The following RHBDF1 variants were observed in gnomAD, a reference collection of about 807,000 sequenced individuals.
RHBDF1 encodes the protein rhomboid 5 homolog 1.
A neutral mutation model predicts 98.6 loss-of-function variants in RHBDF1; 80 were observed. The ratio of observed to expected loss-of-function variants is 0.81; its 90% CI spans 0.68 to 0.98. The LOEUF is 0.98. Among genes scored for constraint, RHBDF1 ranks in the 50% least tolerant of loss-of-function variants. The pLI is 0.00. For synonymous variants in RHBDF1, 512 were observed against 486.8 expected (o/e 1.05, Z -0.68); for missense variants, 1,116 against 1,198.3 (o/e 0.93, Z 1.01).
chr16:63,804 G>A lies in RHBDF1; in HGVS notation c.249-4C>T. Reference sequence around the variant, plus strand: ...TCCAAACCAGTCGGCGGTCCCCCTGGCATGGCAGGGACTCAGCAAGGGGCG... The same window carrying A: ...TCCAAACCAGTCGGCGGTCCCCCTGACATGGCAGGGACTCAGCAAGGGGCG... On this transcript the variant is annotated splice_region_variant and splice_polypyrimidine_tract_variant and intron_variant, in intron 3 of 17. Transcript: ENST00000262316. The A allele has an allele frequency of 6.2e-6, 10 of 1,611,982 alleles. No homozygotes were observed. The highest frequency in any genetic ancestry group is 8.5e-6 in the Non-Finnish European group (10 of 1,178,752).
chr16:62,837 T>C lies in RHBDF1; in HGVS notation c.733A>G (p.Ser245Gly). ...TCAGTTGTGTCCTCCTCCAGAAAGC[T>C]AGCTGGAGTGAAGCTTCGACGCTGT... Reference protein sequence around the residue: ...RAQRRSFTPASFLEEDTTDFP... With the variant: ...RAQRRSFTPAGFLEEDTTDFP... The change falls in exon 6 of 18, where the codon AGC (serine) becomes GGC (glycine). Residue 245 changes from serine (S) to glycine (G), a missense_variant. Ser to Gly is a moderately conservative substitution (Grantham distance 56, BLOSUM62 0). Coordinates refer to ENST00000262316, the MANE Select transcript of RHBDF1 (RefSeq NM_022450.5). 1 of 1,614,046 alleles carries C rather than the reference T, an allele frequency of 6.2e-7. No homozygotes were observed. The highest frequency in any genetic ancestry group is 1.1e-5 in the South Asian group (1 of 91,090).
intron 1 of RHBDF1, among the ~76,000 whole-genome samples, chr16:66,711 AG>A (rs1378784952): frequency 1.3e-5 from 2 of 152,206 alleles, no homozygotes; most frequent in African/African-American, 4.8e-5. Flanking sequence ...GGCACTCCCC[AG>A]GCATGGTGCC....
intron 1 of RHBDF1, among the ~76,000 whole-genome samples, chr16:65,932 C>T (rs942785654): frequency 9.9e-5 from 15 of 152,224 alleles, no homozygotes; most frequent in African/African-American, 3.6e-4. Context: ...TCTACCATGA[C>T]ATGCCAGGCA....
At chr16:75,163 G>A (rs893730779), upstream of RHBDF1, among the ~76,000 whole-genome samples, 3 of 152,130 alleles carry the variant, frequency 2.0e-5, no homozygotes, top group Admixed American at 6.5e-5. Flanking sequence ...CTCTCTTCCC[G>A]CGTCATGCAC....
intron 3 of RHBDF1, 90 bp from the exon 4 acceptor site, chr16:63,890 C>CTGG: frequency 7.9e-6 from 7 of 885,916 alleles, no homozygotes; most frequent in Non-Finnish European, 1.1e-5. Context: ...AGCATGCTGC[C>CTGG]CCCAGGCCTG....
chr16:69,357 G>A (rs1276863673), intron 1 of RHBDF1, among the ~76,000 whole-genome samples: 3 of 152,124 alleles, frequency 2.0e-5, no homozygotes, highest in African/African-American at 7.2e-5. Flanking sequence ...CAACCCCGGG[G>A]CCAGAACCAT....
At chr16:62,405 G>A in intron 7 of RHBDF1, 133 bp downstream of exon 7, 1 of 1,218,552 alleles carries the variant, frequency 8.2e-7, no homozygotes, top group Non-Finnish European at 1.1e-6. Context: ...TGGTGGCCCA[G>A]TGAGTAGTGA....
chr16:58,630 T>C lies in RHBDF1; in HGVS notation c.2278A>G (p.Thr760Ala), dbSNP rs1288210216. Reference protein sequence around the residue: ...KLLAVVLFLFTFGLLPWIDNF... With the variant: ...KLLAVVLFLFAFGLLPWIDNF... ...TCAATCCACGGCAGCAGCCCAAAGGTGAAGAGGAAGAGCACCACAGCCAGC... is the reference window on the plus strand; with the variant it reads ...TCAATCCACGGCAGCAGCCCAAAGGCGAAGAGGAAGAGCACCACAGCCAGC... Residue 760 changes from threonine (T) to alanine (A), a missense_variant, in exon 18 of 18, where the codon ACC becomes GCC. Coordinates refer to ENST00000262316, the MANE Select transcript of RHBDF1 (RefSeq NM_022450.5). The C allele has an allele frequency of 6.2e-7, 1 of 1,612,018 alleles. No individual in the cohort carries two copies. The highest frequency in any genetic ancestry group is 1.3e-5 in the African/African-American group (1 of 74,346).
At chr16:68,664 G>GC (rs1465039536) in intron 1 of RHBDF1, among the ~76,000 whole-genome samples, 3 of 152,134 alleles carry the variant, frequency 2.0e-5, no homozygotes, top group Non-Finnish European at 4.4e-5. Flanking sequence ...CCAGCTGGGG[G>GC]GGCTGCGGGC....
rs1446616581 is a variant in RHBDF1 at position 59,488 on chromosome 16, C to T, written c.1824G>A (p.Glu608=). ...PCCIGTKGRC[E]ITSREYCDFM... is the part of the protein sequence containing the mutation. ...AGTCACAGTACTCCCGGGAGGTGAT[C>T]TCACACCTAGAAAGGCAGGCCAGGG... The change falls in exon 15 of 18, where the codon GAG becomes GAA. Residue 608 remains glutamate (E), a synonymous_variant. Coordinates refer to ENST00000262316, the MANE Select transcript of RHBDF1 (RefSeq NM_022450.5). 5 of 1,613,154 alleles carry T rather than the reference C, an allele frequency of 3.1e-6. No homozygotes were observed. The East Asian group carries it at 6.7e-5, about 22-fold the overall frequency.
Position 60,558 on chromosome 16 carries a change from G to A in RHBDF1, c.1558-19C>T, listed in dbSNP as rs764501253. The A allele has an allele frequency of 6.3e-7, 1 of 1,596,908 alleles. No individual in the cohort carries two copies. The highest frequency in any genetic ancestry group is 8.5e-7 in the Non-Finnish European group (1 of 1,174,166). On this transcript the variant is annotated intron_variant, in intron 11 of 17. Transcript: ENST00000262316. ...GCGTGGACTGTGGGAGGGGGACACA[G>A]GGTCAGGTCCAGTTGGGTCAGGGCA...
At chr16:68,432 C>A (rs186594233) in intron 1 of RHBDF1, among the ~76,000 whole-genome samples, 1 of 152,356 alleles carries the variant, frequency 6.6e-6, no homozygotes, top group Admixed American at 6.5e-5. Flanking sequence ...CCAGGCCTTC[C>A]CCAGGCGCAC....
In RHBDF1 at chr16:62,756, C is replaced by T. The variant is rs2141852503; in HGVS notation, c.795+19G>A. On this transcript the variant is annotated intron_variant, in intron 6 of 17. Transcript: ENST00000262316. ...AGGAAGGGAACGTGGGGTGGGGGGACACCCCGGGCACTTCTTACCCGGGCA... is the reference window on the plus strand; with the variant it reads ...AGGAAGGGAACGTGGGGTGGGGGGATACCCCGGGCACTTCTTACCCGGGCA... 2 of 1,614,024 alleles carry T rather than the reference C, an allele frequency of 1.2e-6. No homozygotes were observed. Among genetic ancestry groups the T allele is most frequent in the South Asian group, 1.1e-5 (1 of 91,090 alleles).
intron 1 of RHBDF1, among the ~76,000 whole-genome samples, chr16:68,331 G>A (rs745417552): frequency 7.9e-5 from 12 of 152,240 alleles, no homozygotes; most frequent in East Asian, 1.9e-4. Flanking sequence ...AGGAAGAGCC[G>A]GAGTAGGCGT....
intron 1 of RHBDF1, among the ~76,000 whole-genome samples, chr16:70,228 T>C (rs1369222344): frequency 6.6e-6 from 1 of 152,208 alleles, no homozygotes; most frequent in African/African-American, 2.4e-5. Flanking sequence ...GGGGGTAAAC[T>C]GCCTGGTATG....
At position 58,230 on chromosome 16, in the gene RHBDF1, A is replaced by T; in HGVS notation, c.*110T>A. On this transcript the variant is annotated 3_prime_UTR_variant, in exon 18 of 18. Transcript: ENST00000262316. Reference sequence around the variant, plus strand: ...AGAAAGAGGTCTGTGTTCAGGAAACAGGCCAGTCCCCACATGGAGCAGGTG... The same window carrying T: ...AGAAAGAGGTCTGTGTTCAGGAAACTGGCCAGTCCCCACATGGAGCAGGTG... 9.5e-7 allele frequency: 1 copy of T among 1,048,500 alleles called. No individual in the cohort carries two copies. The highest frequency in any genetic ancestry group is 1.4e-6 in the Non-Finnish European group (1 of 723,986). 64.9% of individuals were successfully genotyped at this position (1,048,500 alleles called of 1,614,324 possible).
At chr16:62,320 G>A (rs1425754888) in intron 7 of RHBDF1, 2 of 748,092 alleles carry the variant, frequency 2.7e-6, no homozygotes, top group Non-Finnish European at 4.2e-6. Context: ...CAGCCCCTGG[G>A]TTCTAAGATT....
At chr16:75,877 C>T (rs1228787953), upstream of RHBDF1, among the ~76,000 whole-genome samples, 1 of 152,182 alleles carries the variant, frequency 6.6e-6, no homozygotes, top group Non-Finnish European at 1.5e-5. Context: ...TGTCAGCACC[C>T]CCCTCCATCA....
chr16:75,974 T>G (rs1468957300), upstream of RHBDF1, among the ~76,000 whole-genome samples: 4 of 152,070 alleles, frequency 2.6e-5, no homozygotes, highest in African/African-American at 7.2e-5. Context: ...TACAGCCACA[T>G]CTCTCAAAGA....
Sources: gnomAD v4.1 joint callset for allele counts (sites outside exome capture counted in the v4.1 genomes callset) on GRCh38, gnomAD v4.1.1 for gene constraint, MANE v1.5 for transcripts, NCBI Gene and HGNC (gene_info 2026-07-23, HGNC 2026-07-21) for gene names.